CCDC77: variants seen among roughly 807,000 people sequenced by gnomAD.
The protein encoded by CCDC77 is coiled-coil domain-containing protein 77.
CCDC77 carries 56 observed loss-of-function variants against 66.8 expected under a neutral mutation model. That is an observed-to-expected ratio of 0.84 (90% CI 0.68 to 1.05). The LOEUF is 1.05. CCDC77 is among the 50% of genes least tolerant of loss of function. The pLI is 0.00. For missense variants in CCDC77, 570 were observed against 576.8 expected, an observed-to-expected ratio of 0.99 and a Z score of 0.12; for synonymous variants, 196 against 195.2, an observed-to-expected ratio of 1.00 and a Z score of -0.03.
upstream of CCDC77, among the ~76,000 whole-genome samples, chr12:397,365 C>T (rs1944841340): frequency 6.6e-6 from 1 of 151,974 alleles, no homozygotes; most frequent in Non-Finnish European, 1.5e-5. Flanking sequence ...AGGAAATAGA[C>T]AAAAGATACC....
chr12:396,324 G>T (rs1156397118), intron 1 of CCDC77, among the ~76,000 whole-genome samples: 1 of 151,932 alleles, frequency 6.6e-6, no homozygotes, highest in Admixed American at 6.6e-5. Context: ...CCTGGGAGGC[G>T]GAGGTGGCAG....
At chr12:414,844 G>A (rs1049075429) in intron 4 of CCDC77, among the ~76,000 whole-genome samples, 3 of 152,118 alleles carry the variant, frequency 2.0e-5, no homozygotes, top group Admixed American at 6.6e-5. Flanking sequence ...ACAGACCCTT[G>A]AGTTGCGTCT....
chr12:439,148 T>C (rs1024923802), intron 10 of CCDC77, among the ~76,000 whole-genome samples: 2 of 152,170 alleles, frequency 1.3e-5, no homozygotes, highest in African/African-American at 2.4e-5. Flanking sequence ...GTTACAGTAA[T>C]CTAAACAAGG....
intron 9 of CCDC77, among the ~76,000 whole-genome samples, chr12:434,052 G>A (rs917161828): frequency 3.3e-5 from 5 of 152,154 alleles, no homozygotes; most frequent in East Asian, 3.9e-4. Flanking sequence ...CACGCAGGAC[G>A]TAGAACGTCC....
intron 7 of CCDC77, among the ~76,000 whole-genome samples, chr12:431,125 ATAAT>A (rs1004211328): frequency 6.7e-6 from 1 of 149,558 alleles, no homozygotes; most frequent in African/African-American, 2.4e-5. Flanking sequence ...CTGTACAGTG[ATAAT>A]TGATGTTCAT....
chr12:390,371 C>CT (rs1944734054), intron 1 of CCDC77, among the ~76,000 whole-genome samples: 1 of 152,156 alleles, frequency 6.6e-6, no homozygotes, highest in South Asian at 2.1e-4. Context: ...TTTTTAATTG[C>CT]TGATTTGCTG....
intron 5 of CCDC77, among the ~76,000 whole-genome samples, chr12:423,114 C>CTTTTTTTTTTTTTTTTTTTTTT (rs139334337): frequency 2.7e-5 from 2 of 74,542 alleles, no homozygotes; most frequent in African/African-American, 5.4e-5. Flanking sequence ...TCTTTTAAGC[C>CTTTTTTTTTTTTTTTTTTTTTT]TTTTTTTTTT....
At chr12:439,989 G>A (rs1014665256) in intron 10 of CCDC77, among the ~76,000 whole-genome samples, 2 of 152,130 alleles carry the variant, frequency 1.3e-5, no homozygotes, top group African/African-American at 4.8e-5. Flanking sequence ...ATTCCTGGCA[G>A]AGGGAAGAGC....
chr12:424,753 C>G (rs190659876), intron 5 of CCDC77, among the ~76,000 whole-genome samples: 124 of 152,106 alleles, frequency 8.2e-4, no homozygotes, highest in Admixed American at 3.5e-3. Context: ...CCTATGTTTT[C>G]TTCTGAAAGT....
chr12:414,979 T>G (rs1352796131), intron 4 of CCDC77, among the ~76,000 whole-genome samples: 2 of 152,090 alleles, frequency 1.3e-5, no homozygotes, highest in African/African-American at 4.8e-5. Flanking sequence ...TAGGCTTTTG[T>G]TTTTTGGAGG....
Position 409,883 on chromosome 12 carries a change from A to G in CCDC77, c.38+462A>G, listed in dbSNP as rs374830325. 9.1e-4 allele frequency: 139 copies of G among 152,228 alleles called. 2 individuals carry two copies. The highest frequency in any genetic ancestry group is 2.7e-3 in the African/African-American group (110 of 40,694). The allele number at this position is 152,228 out of a possible 1,614,324, so 9.4% of individuals were successfully genotyped here. On this transcript the variant is annotated intron_variant, in intron 3 of 12. Coordinates refer to ENST00000239830, the MANE Select transcript of CCDC77 (RefSeq NM_032358.4). ...CATGGTGGTGTGCACCTGTAATCTC[A>G]GCTACTTGGGAGGCGGAGGCAGGAG...
Position 428,842 on chromosome 12 carries a change from T to A in CCDC77, c.487T>A (p.Phe163Ile). Residue 163 changes from phenylalanine (F) to isoleucine (I), a missense_variant, in exon 6 of 13, where the codon TTT (phenylalanine) becomes ATT (isoleucine). Coordinates refer to ENST00000239830, the MANE Select transcript of CCDC77 (RefSeq NM_032358.4). ...AACAGATGCTGGAGAAGTGACCTAT[T>A]TTTGTAAGGAGCCTCCTCACAAAGT... ...VGTDAGEVTY[F>I]CKEPPHKVTI... 6.2e-7 allele frequency: 1 copy of A among 1,611,918 alleles called. No individual in the cohort carries two copies. Among genetic ancestry groups the A allele is most frequent in the Non-Finnish European group, 8.5e-7 (1 of 1,178,610 alleles).
chr12:428,016 C>T (rs984970483), intron 5 of CCDC77, among the ~76,000 whole-genome samples: 2 of 152,106 alleles, frequency 1.3e-5, no homozygotes, highest in Non-Finnish European at 2.9e-5. Context: ...TTTTGTGTTT[C>T]CTCATTGACC....
intron 5 of CCDC77, 188 bp downstream of exon 5, chr12:418,824 G>A (rs969102141): frequency 2.1e-5 from 12 of 582,968 alleles, no homozygotes; most frequent in African/African-American, 1.1e-4. Context: ...TCAGCCTCTC[G>A]AGTAGCTGGG....
chr12:426,256 G>A (rs981664732), intron 5 of CCDC77, among the ~76,000 whole-genome samples: 3 of 152,206 alleles, frequency 2.0e-5, no homozygotes, highest in African/African-American at 7.2e-5. Context: ...GTCACATGAT[G>A]TGAACTGCCT....
Position 428,239 on chromosome 12 carries a change from G to A in CCDC77, c.414-530G>A, listed in dbSNP as rs539857934. 4.4e-3 allele frequency among the ~76,000 whole-genome samples: 670 copies of A among 152,148 alleles called. 9 individuals carry two copies. The highest frequency in any genetic ancestry group is 0.016 in the African/African-American group (645 of 41,524). On this transcript the variant is annotated intron_variant, in intron 5 of 12. Transcript: ENST00000239830. ...AGAATTAGCTAAGAAGTGGCCGGGCGCAGTGGCTCCCGCCTGTAATCCCAG... is the reference window on the plus strand; with the variant it reads ...AGAATTAGCTAAGAAGTGGCCGGGCACAGTGGCTCCCGCCTGTAATCCCAG...
chr12:423,767 GA>G (rs1406032434), intron 5 of CCDC77, among the ~76,000 whole-genome samples: 1 of 151,840 alleles, frequency 6.6e-6, no homozygotes, highest in African/African-American at 2.4e-5. Context: ...GAAGTGTTAG[GA>G]TTACAGGCGT....
At chr12:438,273 TC>T (rs1945792257) in intron 9 of CCDC77, 61 bp from the exon 10 acceptor site, 1 of 1,126,900 alleles carries the variant, frequency 8.9e-7, no homozygotes, top group Non-Finnish European at 1.3e-6. Flanking sequence ...TTTGGAATAA[TC>T]CTTGCTTTCA....
At position 390,885 on chromosome 12, in the gene CCDC77, A is replaced by G. The variant is rs575313098; in HGVS notation, c.-113+1399A>G. Among the ~76,000 whole-genome samples, 355 of 152,262 alleles carry G rather than the reference A, an allele frequency of 2.3e-3. 4 individuals are homozygous for G. The highest frequency in any genetic ancestry group is 3.0e-3 in the Non-Finnish European group (201 of 68,022). ...TGGCTGGGAAGTCTTAGTTCTCCAC[A>G]TGGCTTCTCATCTTCTGGTAGATGG... On this transcript the variant is annotated intron_variant, in intron 1 of 11. Coordinates refer to the CCDC77 transcript ENST00000422000.
Sources: gnomAD v4.1 joint callset for allele counts (sites outside exome capture counted in the v4.1 genomes callset) on GRCh38, gnomAD v4.1.1 for gene constraint, MANE v1.5 for transcripts, NCBI Gene and HGNC (gene_info 2026-07-23, HGNC 2026-07-21) for gene names.